NTNG1: variants seen among roughly 807,000 people sequenced by gnomAD.
NTNG1 encodes netrin G1.
Under a neutral mutation model 54.0 loss-of-function variants are expected in NTNG1, and 16 were observed. That is an observed-to-expected ratio of 0.30 (90% CI 0.20 to 0.45). NTNG1 has a LOEUF of 0.45. NTNG1 is among the 20% of genes least tolerant of loss of function. NTNG1 has a pLI of 1.00. For synonymous variants in NTNG1, 255 were observed against 263.1 expected, an observed-to-expected ratio of 0.97 and a Z score of 0.30; for missense variants, 530 against 678.7, an observed-to-expected ratio of 0.78 and a Z score of 2.43.
At chr1:107,316,073 A>G (rs1402751316) in intron 2 of NTNG1, among the ~76,000 whole-genome samples, 1 of 152,188 alleles carries the variant, frequency 6.6e-6, no homozygotes, top group Non-Finnish European at 1.5e-5. Context: ...TGCTTGCTTT[A>G]AAAATACCAG....
At chr1:107,455,419 C>T (rs1379913303) in intron 7 of NTNG1, among the ~76,000 whole-genome samples, 1 of 152,190 alleles carries the variant, frequency 6.6e-6, no homozygotes, top group Non-Finnish European at 1.5e-5. Context: ...GTCCAGTAGC[C>T]TAATGTGGTG....
At chr1:107,477,837 G>A (rs1395974546) in intron 7 of NTNG1, among the ~76,000 whole-genome samples, 1 of 152,126 alleles carries the variant, frequency 6.6e-6, no homozygotes, top group East Asian at 1.9e-4. Context: ...AAATATAGCA[G>A]GGTGCCTGGC....
intron 3 of NTNG1, among the ~76,000 whole-genome samples, chr1:107,359,126 CAAACTGAGCTGTT>C (rs1384235296): frequency 6.6e-6 from 1 of 152,162 alleles, no homozygotes; most frequent in African/African-American, 2.4e-5. Context: ...TTTGGACACA[CAAACTGAGCTGTT>C]GGGGAGAACG....
At chr1:107,345,205 A>C (rs1474556154) in intron 3 of NTNG1, among the ~76,000 whole-genome samples, 2 of 152,224 alleles carry the variant, frequency 1.3e-5, no homozygotes, top group Non-Finnish European at 2.9e-5. Flanking sequence ...TTCCAGAGCT[A>C]TACGGAAAAT....
chr1:107,248,994 C>CAAA (rs1196454799), intron 2 of NTNG1, among the ~76,000 whole-genome samples: 1 of 109,134 alleles, frequency 9.2e-6, no homozygotes, highest in Admixed American at 9.4e-5. Flanking sequence ...ACTAAAAGTA[C>CAAA]AAAAAAAAAA....
intron 4 of NTNG1, among the ~76,000 whole-genome samples, chr1:107,405,829 A>G (rs774652121): frequency 2.1e-4 from 32 of 152,162 alleles, no homozygotes; most frequent in Admixed American, 1.1e-3. Context: ...TACTAAAATT[A>G]TGATGCTGCC....
intron 3 of NTNG1, among the ~76,000 whole-genome samples, chr1:107,392,966 C>T (rs907403084): frequency 6.6e-6 from 1 of 152,074 alleles, no homozygotes; most frequent in Non-Finnish European, 1.5e-5. Flanking sequence ...AGCTTTAGGA[C>T]AGCTGAGAAT....
At chr1:107,475,396 T>C (rs1182808524) in intron 7 of NTNG1, among the ~76,000 whole-genome samples, 19 of 152,240 alleles carry the variant, frequency 1.2e-4, no homozygotes, top group Non-Finnish European at 5.9e-5. Context: ...CTAGATGGTT[T>C]CTAAAGTTTC....
At chr1:107,258,648 A>T (rs1663092673) in intron 2 of NTNG1, among the ~76,000 whole-genome samples, 1 of 152,212 alleles carries the variant, frequency 6.6e-6, no homozygotes, top group South Asian at 2.1e-4. Flanking sequence ...ATGGGAATTA[A>T]ATAACTCACT....
intron 3 of NTNG1, among the ~76,000 whole-genome samples, chr1:107,343,475 C>G (rs1161963249): frequency 6.6e-6 from 1 of 152,052 alleles, no homozygotes; most frequent in African/African-American, 2.4e-5. Flanking sequence ...GATTATTGGC[C>G]TACTGCTATC....
intron 2 of NTNG1, among the ~76,000 whole-genome samples, chr1:107,312,657 CA>C (rs1318001277): frequency 6.6e-6 from 1 of 152,114 alleles, no homozygotes; most frequent in Non-Finnish European, 1.5e-5. Context: ...TTTCTAAATA[CA>C]GGTTCCTGGG....
chr1:107,294,051 A>G (rs1665790479), intron 2 of NTNG1, among the ~76,000 whole-genome samples: 2 of 152,220 alleles, frequency 1.3e-5, no homozygotes. Context: ...CTGGACAACC[A>G]GGGCAGAGCC....
chr1:107,458,802 G>A (rs1677103478), intron 7 of NTNG1, among the ~76,000 whole-genome samples: 2 of 152,062 alleles, frequency 1.3e-5, no homozygotes, highest in South Asian at 2.1e-4. Context: ...AAATTGGTAG[G>A]CCAAATTTGT....
At chr1:107,150,223 AG>A (rs1373502923) in intron 2 of NTNG1, among the ~76,000 whole-genome samples, 1 of 152,216 alleles carries the variant, frequency 6.6e-6, no homozygotes, top group Non-Finnish European at 1.5e-5. Context: ...CTATGGGAAC[AG>A]GTATGTGCTT....
At chr1:107,225,372 C>CA (rs80175910) in intron 2 of NTNG1, among the ~76,000 whole-genome samples, 75 of 144,428 alleles carry the variant, frequency 5.2e-4, no homozygotes, top group Middle Eastern at 3.5e-3. Context: ...AGTGTGAATT[C>CA]AAAAAAAAAA....
At chr1:107,176,042 C>G (rs1179837713) in intron 2 of NTNG1, among the ~76,000 whole-genome samples, 1 of 152,062 alleles carries the variant, frequency 6.6e-6, no homozygotes, top group Non-Finnish European at 1.5e-5. Flanking sequence ...GAGGAGAAGG[C>G]AATTGGGTAA....
intron 2 of NTNG1, among the ~76,000 whole-genome samples, chr1:107,270,642 A>C (rs1402894790): frequency 6.6e-6 from 1 of 152,056 alleles, no homozygotes; most frequent in East Asian, 1.9e-4. Flanking sequence ...CCAAGATATA[A>C]ACTTTTTGTT....
intron 4 of NTNG1, among the ~76,000 whole-genome samples, chr1:107,396,798 G>A (rs1326360865): frequency 1.3e-5 from 2 of 152,182 alleles, no homozygotes; most frequent in East Asian, 1.9e-4. Flanking sequence ...CTGGAAGAGT[G>A]TGATGTTCAC....
At chr1:107,278,315 A>G (rs539165644) in intron 2 of NTNG1, among the ~76,000 whole-genome samples, 3 of 152,328 alleles carry the variant, frequency 2.0e-5, no homozygotes, top group South Asian at 2.1e-4. Context: ...TAGCACCTAT[A>G]TAAGTATACT....
Sources: allele counts gnomAD v4.1 joint callset (sites outside exome capture counted in the v4.1 genomes callset), GRCh38; gene constraint gnomAD v4.1.1; transcripts MANE v1.5; gene names NCBI Gene and HGNC (gene_info 2026-07-23, HGNC 2026-07-21).